ANO4: variants seen among roughly 807,000 people sequenced by gnomAD.
ANO4 encodes the protein anoctamin-4.
In ANO4, 69 loss-of-function variants were observed where a neutral mutation model predicts 141.9. That is an observed-to-expected ratio of 0.49 (90% confidence interval 0.40 to 0.59). ANO4 has a LOEUF of 0.59. Among genes scored for constraint, ANO4 ranks in the 20% least tolerant of loss-of-function variants. The pLI, the probability that ANO4 is intolerant of heterozygous loss-of-function variation, is 0.00. For synonymous variants in ANO4, 350 were observed against 394.3 expected, an observed-to-expected ratio of 0.89 and a Z score of 1.33; for missense variants, 894 against 1,162.2, an observed-to-expected ratio of 0.77 and a Z score of 3.36.
chr12:101,015,731 C>A (rs2046290116), intron 8 of ANO4, among the ~76,000 whole-genome samples: 1 of 152,156 alleles, frequency 6.6e-6, no homozygotes, highest in Non-Finnish European at 1.5e-5. Flanking sequence ...TGCTCTCCCC[C>A]TAGCAGTGCA....
chr12:100,968,828 C>T (rs1362336212), intron 5 of ANO4, among the ~76,000 whole-genome samples: 1 of 152,122 alleles, frequency 6.6e-6, no homozygotes, highest in Non-Finnish European at 1.5e-5. Flanking sequence ...TGAAATGGGG[C>T]AGGACTGACT....
intron 2 of ANO4, among the ~76,000 whole-genome samples, chr12:100,905,283 A>T (rs1217173353): frequency 6.6e-6 from 1 of 152,148 alleles, no homozygotes; most frequent in Non-Finnish European, 1.5e-5. Flanking sequence ...TGACCAAGGG[A>T]AGAAGTATAA....
At chr12:100,973,927 TA>T (rs1666595485) in intron 6 of ANO4, among the ~76,000 whole-genome samples, 1 of 152,206 alleles carries the variant, frequency 6.6e-6, no homozygotes. Flanking sequence ...GCCTGTGTTT[TA>T]AAGCTTTCAC....
At chr12:100,802,860 A>G (rs187235495) in intron 1 of ANO4, among the ~76,000 whole-genome samples, 14 of 152,272 alleles carry the variant, frequency 9.2e-5, no homozygotes, top group Admixed American at 4.6e-4. Context: ...TAACTTATGC[A>G]TTATGGTTAG....
intron 11 of ANO4, among the ~76,000 whole-genome samples, chr12:101,041,598 A>G (rs2047413172): frequency 6.6e-6 from 1 of 152,214 alleles, no homozygotes; most frequent in African/African-American, 2.4e-5. Flanking sequence ...GCTAAGTACT[A>G]TTGGCAAAGC....
intron 3 of ANO4, among the ~76,000 whole-genome samples, chr12:100,931,989 C>CT (rs71437001): frequency 0.22 from 30,723 of 137,826 alleles, 3,915 homozygotes; most frequent in Middle Eastern, 0.41. Flanking sequence ...CGGAGGTGTT[C>CT]TTTTTTTTTT....
intron 1 of ANO4, among the ~76,000 whole-genome samples, chr12:100,859,496 C>T (rs1220596529): frequency 6.6e-6 from 1 of 152,096 alleles, no homozygotes; most frequent in African/African-American, 2.4e-5. Flanking sequence ...CTAGTCTGTC[C>T]TGACTAATAC....
intron 7 of ANO4, among the ~76,000 whole-genome samples, chr12:100,977,471 A>G (rs1003117612): frequency 6.6e-6 from 1 of 152,132 alleles, no homozygotes. Flanking sequence ...GGATCACTTG[A>G]GTCAAGGTGT....
chr12:101,017,846 C>T (rs1324885298), intron 8 of ANO4, among the ~76,000 whole-genome samples: 2 of 152,198 alleles, frequency 1.3e-5, no homozygotes, highest in Non-Finnish European at 2.9e-5. Flanking sequence ...TAGTGTCTGG[C>T]ACATGCCCTG....
chr12:100,877,281 A>G (rs1331555189), intron 1 of ANO4, among the ~76,000 whole-genome samples: 1 of 151,792 alleles, frequency 6.6e-6, no homozygotes, highest in Non-Finnish European at 1.5e-5. Context: ...AAATGTTATA[A>G]TCACAAAAAA....
chr12:101,125,866 C>G (rs2051293794), intron 26 of ANO4, among the ~76,000 whole-genome samples: 2 of 151,750 alleles, frequency 1.3e-5, no homozygotes, highest in Non-Finnish European at 2.9e-5. Flanking sequence ...TGTTGTCTCT[C>G]TGCCAGGTTT....
intron 3 of ANO4, among the ~76,000 whole-genome samples, chr12:100,752,500 C>T (rs1316727221): frequency 6.6e-6 from 1 of 152,140 alleles, no homozygotes; most frequent in Non-Finnish European, 1.5e-5. Context: ...AAACAGATGT[C>T]ACTGCTTACG....
At chr12:101,097,041 A>G (rs1235832191) in intron 19 of ANO4, among the ~76,000 whole-genome samples, 1 of 152,088 alleles carries the variant, frequency 6.6e-6, no homozygotes, top group Non-Finnish European at 1.5e-5. Flanking sequence ...GGACATCCTG[A>G]CAGGAAAGGG....
rs1438464552 is a variant in ANO4 at position 101,055,610 on chromosome 12, CCTGT to C, written c.1312+7213_1312+7216del. On this transcript the variant is annotated intron_variant, in intron 14 of 27. Coordinates refer to ENST00000392977, the MANE Select transcript of ANO4 (RefSeq NM_001286615.2). ...TTACAGGTGTTTGCAAATTTTTTTCCCTGTCTGAGTCTTGCATTTTTATTTTTTA... is the reference window on the plus strand; with the variant it reads ...TTACAGGTGTTTGCAAATTTTTTTCCCTGAGTCTTGCATTTTTATTTTTTA... Among the ~76,000 whole-genome samples the C allele has an allele frequency of 6.6e-5, 10 of 151,858 alleles. No homozygotes were observed. In the South Asian group the frequency reaches 1.5e-3, roughly 22 times the overall value.
At chr12:100,737,185 G>A (rs1009920809) in intron 2 of ANO4, among the ~76,000 whole-genome samples, 3 of 152,142 alleles carry the variant, frequency 2.0e-5, no homozygotes, top group Non-Finnish European at 1.5e-5. Context: ...AGGCAGGCCC[G>A]TCTTTAGGAT....
intron 3 of ANO4, among the ~76,000 whole-genome samples, chr12:100,753,914 T>C (rs755618069): frequency 3.9e-5 from 6 of 152,224 alleles, no homozygotes; most frequent in Non-Finnish European, 7.3e-5. Flanking sequence ...CTGTGTTCCC[T>C]GTTTCAACAA....
At chr12:101,073,430 G>C (rs935398452) in intron 14 of ANO4, among the ~76,000 whole-genome samples, 1 of 152,048 alleles carries the variant, frequency 6.6e-6, no homozygotes, top group Non-Finnish European at 1.5e-5. Context: ...CGTGGGGTGG[G>C]GGGCAGGGAG....
chr12:100,894,971 A>AAG (rs1481490354), intron 1 of ANO4, among the ~76,000 whole-genome samples: 1 of 151,010 alleles, frequency 6.6e-6, no homozygotes, highest in Non-Finnish European at 1.5e-5. Context: ...ATCTCAAAAA[A>AAG]AAAAAAAAAA....
At chr12:100,970,957 G>C (rs1312446545) in intron 5 of ANO4, among the ~76,000 whole-genome samples, 1 of 152,130 alleles carries the variant, frequency 6.6e-6, no homozygotes, top group Non-Finnish European at 1.5e-5. Context: ...GACCTCAGGT[G>C]ATCTGCCTCA....
Sources: allele counts gnomAD v4.1 joint callset (sites outside exome capture counted in the v4.1 genomes callset), GRCh38; gene constraint gnomAD v4.1.1; transcripts MANE v1.5; gene names NCBI Gene and HGNC (gene_info 2026-07-23, HGNC 2026-07-21).